CTNNA1: variants seen among roughly 807,000 people sequenced by gnomAD.
CTNNA1 encodes the protein catenin alpha-1.
In CTNNA1, 37 loss-of-function variants were observed where a neutral mutation model predicts 98.4. The ratio of observed to expected loss-of-function variants is 0.38; its 90% CI spans 0.29 to 0.49. The LOEUF (loss-of-function observed/expected upper bound fraction) is 0.49, where lower values mean the gene tolerates loss of function less well. Among genes scored for constraint, CTNNA1 ranks in the 20% least tolerant of loss-of-function variants. The pLI, the probability that CTNNA1 is intolerant of heterozygous loss-of-function variation, is 0.95. For synonymous variants in CTNNA1, 404 were observed against 413.2 expected, an observed-to-expected ratio of 0.98 and a Z score of 0.27; for missense variants, 761 against 1,147.2, an observed-to-expected ratio of 0.66 and a Z score of 4.86.
At chr5:138,779,277 A>G (rs534221498) in intron 1 of CTNNA1, among the ~76,000 whole-genome samples, 33 of 152,178 alleles carry the variant, frequency 2.2e-4, no homozygotes, top group Non-Finnish European at 4.6e-4. Context: ...ATTCTATTCT[A>G]GATTCATGGT....
chr5:138,788,067 T>TA (rs1755911672), intron 3 of CTNNA1, among the ~76,000 whole-genome samples: 1 of 152,196 alleles, frequency 6.6e-6, no homozygotes, highest in African/African-American at 2.4e-5. Context: ...TTAGATGTGC[T>TA]CTTTTCTTAT....
At position 138,781,846 on chromosome 5, in the gene CTNNA1, A is replaced by G. The variant is rs1755149515; in HGVS notation, c.-2-77A>G. The stretch of plus-strand genomic sequence containing the variant: ...ATAGCTTTCCTGATGCAAAAGTCCC[A>G]AAGTAGGAGAAGATTTGTTACATAT... On this transcript the variant is annotated intron_variant, in intron 1 of 17. Transcript: ENST00000302763. 2.2e-6 allele frequency: 3 copies of G among 1,377,710 alleles called. No homozygotes were observed. In the African/African-American group the frequency reaches 4.4e-5, roughly 20 times the overall value. The allele number at this position is 1,377,710 out of a possible 1,614,324, so 85.3% of individuals were successfully genotyped here.
At chr5:138,932,310 G>C (rs1055706154) in intron 16 of CTNNA1, 1 of 1,239,830 alleles carries the variant, frequency 8.1e-7, no homozygotes, top group Non-Finnish European at 1.0e-6. Context: ...AGGGAAGTCA[G>C]TGGGAGGCTC....
rs1213502375 is a variant in CTNNA1, at chr5:138,893,625, T to C, written c.1296+5983T>C. Among the ~76,000 whole-genome samples, 7 of 151,920 alleles carry C rather than the reference T, an allele frequency of 4.6e-5. No homozygotes were observed. The East Asian group carries it at 1.4e-3, about 29-fold the overall frequency. ...TTTCTTATTTAATTATTTTTTAAAA[T>C]TTATTTGTTTATTTTTGAGATGGAG... is the stretch of plus-strand genomic sequence containing the variant. On this transcript the variant is annotated intron_variant, in intron 9 of 17. Coordinates refer to ENST00000302763, the MANE Select transcript of CTNNA1 (RefSeq NM_001903.5).
intron 3 of CTNNA1, among the ~76,000 whole-genome samples, chr5:138,798,722 A>G (rs965283404): frequency 6.6e-6 from 1 of 152,170 alleles, no homozygotes; most frequent in African/African-American, 2.4e-5. Flanking sequence ...TTCCCAGCTC[A>G]GGAGAGAACA....
chr5:138,930,433 ATTC>A, intron 14 of CTNNA1, 37 bp from the exon 15 acceptor site: 1 of 1,508,430 alleles, frequency 6.6e-7, no homozygotes, highest in Non-Finnish European at 9.1e-7. Flanking sequence ...AGAACTTCAT[ATTC>A]TTTTTATGTA....
intron 10 of CTNNA1, chr5:138,904,724 A>G (rs968148033): frequency 6.8e-6 from 2 of 294,608 alleles, no homozygotes; most frequent in Non-Finnish European, 1.3e-5. Context: ...TGGGATCCCA[A>G]AGTGGATGGG....
intron 10 of CTNNA1, among the ~76,000 whole-genome samples, chr5:138,911,019 A>T (rs942882758): frequency 6.6e-6 from 1 of 152,218 alleles, no homozygotes; most frequent in South Asian, 2.1e-4. Flanking sequence ...CACAGTGACT[A>T]CTTGAGCCCA....
intron 7 of CTNNA1, among the ~76,000 whole-genome samples, chr5:138,855,124 C>T (rs574955529): frequency 3.9e-5 from 6 of 152,328 alleles, no homozygotes; most frequent in South Asian, 2.1e-4. Context: ...CTGCAACCTC[C>T]GCCTCCCGGG....
chr5:138,834,266 A>T (rs1285371253), intron 7 of CTNNA1, among the ~76,000 whole-genome samples: 1 of 152,170 alleles, frequency 6.6e-6, no homozygotes, highest in African/African-American at 2.4e-5. Context: ...TCCTGATTAT[A>T]AAAGTTCTGT....
At chr5:138,823,931 T>G (rs1351209283) in intron 5 of CTNNA1, among the ~76,000 whole-genome samples, 3 of 110,016 alleles carry the variant, frequency 2.7e-5, no homozygotes, top group Admixed American at 1.5e-4. Flanking sequence ...CACTCCAGCC[T>G]GGGCGACAGA....
rs1328285612 is a variant in CTNNA1, at chr5:138,793,113, T to C, written c.301+9741T>C. 2.0e-5 allele frequency among the ~76,000 whole-genome samples: 3 copies of C among 152,360 alleles called. No individual in the cohort carries two copies. The East Asian group carries it at 5.8e-4, about 29-fold the overall frequency. ...ACTGTAATTAATTTAAAAATTGTTA[T>C]TGACCCCATTCCTTCAGTCTCACCA... On this transcript the variant is annotated intron_variant, in intron 3 of 17. Transcript: ENST00000302763.
At chr5:138,757,805 C>G (rs2149568874) in intron 1 of CTNNA1, among the ~76,000 whole-genome samples, 1 of 152,162 alleles carries the variant, frequency 6.6e-6, no homozygotes, top group South Asian at 2.1e-4. Context: ...AGGAAAAAGT[C>G]TTTTCTGCCT....
chr5:138,764,474 C>CT (rs897941568), intron 1 of CTNNA1, among the ~76,000 whole-genome samples: 1 of 150,256 alleles, frequency 6.7e-6, no homozygotes, highest in Non-Finnish European at 1.5e-5. Flanking sequence ...CAACTTTTTT[C>CT]TTTTTTTTTA....
At chr5:138,861,305 A>T (rs972963815) in intron 7 of CTNNA1, among the ~76,000 whole-genome samples, 3 of 152,178 alleles carry the variant, frequency 2.0e-5, no homozygotes, top group African/African-American at 7.2e-5. Context: ...ACAGACGTCC[A>T]CCAACACGCC....
Position 138,812,176 on chromosome 5 carries a change from T to G in CTNNA1, c.469-7T>G. 1.2e-6 allele frequency: 2 copies of G among 1,610,784 alleles called. No individual in the cohort carries two copies. Among genetic ancestry groups the G allele is most frequent in the South Asian group, 2.2e-5 (2 of 90,272 alleles). ...TTTTGGGTTTTGGGGTCTTTCTTAT[T>G]TTATAGGTGGAAGATGGTATCTTGA... On this transcript the variant is annotated splice_polypyrimidine_tract_variant and splice_region_variant and intron_variant, in intron 4 of 17. Coordinates refer to ENST00000302763, the MANE Select transcript of CTNNA1 (RefSeq NM_001903.5).
intron 16 of CTNNA1, chr5:138,931,588 A>AT (rs1765344781): frequency 1.0e-6 from 1 of 985,172 alleles, no homozygotes; most frequent in Non-Finnish European, 1.2e-6. Flanking sequence ...AATAGGGCCT[A>AT]TTGCTTCCAT....
rs2149889346 is a variant in CTNNA1, at chr5:138,863,179, C to G, written c.1063-23033C>G. On this transcript the variant is annotated intron_variant, in intron 7 of 17. Transcript: ENST00000302763. ...TTTTTTAATGGCTTCTAGAAAGAGA[C>G]AGTTAAATTTCTGACTTGTTCAGGC... Among the ~76,000 whole-genome samples, 6 of 151,836 alleles carry G rather than the reference C, an allele frequency of 4.0e-5. No homozygotes were observed. The East Asian group carries it at 9.7e-4, about 24-fold the overall frequency.
intron 11 of CTNNA1, among the ~76,000 whole-genome samples, chr5:138,920,441 G>A (rs904246682): frequency 2.6e-5 from 4 of 152,218 alleles, no homozygotes; most frequent in South Asian, 2.1e-4. Flanking sequence ...GTGTCCCCTG[G>A]CCCTAAAGCA....
Sources: allele counts gnomAD v4.1 joint callset (sites outside exome capture counted in the v4.1 genomes callset), GRCh38; gene constraint gnomAD v4.1.1; transcripts MANE v1.5; gene names NCBI Gene and HGNC (gene_info 2026-07-23, HGNC 2026-07-21).